PUM2: variants seen among roughly 807,000 people sequenced by gnomAD.
PUM2 encodes pumilio RNA binding family member 2.
A neutral mutation model predicts 124.5 loss-of-function variants in PUM2; 57 were observed. That is an observed-to-expected ratio of 0.46 (90% CI 0.37 to 0.57). The LOEUF (loss-of-function observed/expected upper bound fraction) is 0.57, where lower values mean the gene tolerates loss of function less well. Ranked by LOEUF, PUM2 falls within the 20% of genes least tolerant of loss-of-function variation. The pLI is 0.00. For synonymous variants in PUM2, 460 were observed against 446.1 expected, an observed-to-expected ratio of 1.03 and a Z score of -0.39; for missense variants, 1,065 against 1,290.6, an observed-to-expected ratio of 0.83 and a Z score of 2.68.
rs1665319173 is a variant in PUM2 at position 20,258,340 on chromosome 2, G to A, written c.2387C>T (p.Ala796Val). The A allele has an allele frequency of 6.2e-7, 1 of 1,612,544 alleles. No homozygotes were observed. The highest frequency in any genetic ancestry group is 1.7e-5 in the Admixed American group (1 of 59,960). ...FGSLDQKLAL[A>V]TRIRGHVLPL... The stretch of plus-strand genomic sequence containing the variant: ...TAGAACATGACCACGAATACGAGTA[G>A]CCAGGGCTAATTTTTGATCCAGACT... The change falls in exon 16 of 21, where the codon GCT becomes GTT. Residue 796 changes from alanine to valine, a missense_variant. Ala to Val is a moderately conservative substitution (Grantham distance 64). Coordinates refer to ENST00000361078, the MANE Select transcript of PUM2 (RefSeq NM_015317.5).
intron 12 of PUM2, among the ~76,000 whole-genome samples, 196 bp downstream of exon 12, chr2:20,282,751 T>C (rs1396364236): frequency 6.6e-6 from 1 of 152,180 alleles, no homozygotes; most frequent in Non-Finnish European, 1.5e-5. Flanking sequence ...AAGAACAGGC[T>C]GCCTATAGTG....
chr2:20,264,557 T>C (rs1190007929), intron 13 of PUM2, among the ~76,000 whole-genome samples: 1 of 151,300 alleles, frequency 6.6e-6, no homozygotes, highest in Non-Finnish European at 1.5e-5. Context: ...AATAAATACA[T>C]GCAGGAAATT....
intron 5 of PUM2, among the ~76,000 whole-genome samples, chr2:20,309,125 GA>G (rs772304824): frequency 2.6e-5 from 4 of 152,068 alleles, no homozygotes; most frequent in Admixed American, 2.6e-4. Context: ...GATGCAACAG[GA>G]AAAGAGTACT....
At position 20,263,316 on chromosome 2, in the gene PUM2, T is replaced by A; in HGVS notation, c.2102A>T (p.Asp701Val). The change falls in exon 14 of 21, where the codon GAT becomes GTT. Residue 701 changes from aspartate to valine, a missense_variant. Physicochemically the swap from Asp to Val is radical, Grantham distance 152. Transcript: ENST00000361078. ...TCTACTGCGGCCAGAAGGCATAATATCAGACCTATTATACCGAAGCCGGGA... is the reference window on the plus strand; with the variant it reads ...TCTACTGCGGCCAGAAGGCATAATAACAGACCTATTATACCGAAGCCGGGA... ...PPSRLRYNRS[D>V]IMPSGRSRLL... 1 of 1,614,122 alleles carries A rather than the reference T, an allele frequency of 6.2e-7. No homozygotes were observed. Among genetic ancestry groups the A allele is most frequent in the Non-Finnish European group, 8.5e-7 (1 of 1,179,976 alleles).
chr2:20,339,254 A>G (rs1192843544), intron 1 of PUM2, among the ~76,000 whole-genome samples: 1 of 152,136 alleles, frequency 6.6e-6, no homozygotes, highest in Admixed American at 6.6e-5. Flanking sequence ...GGTGGTACAT[A>G]TCTGTAATCT....
intron 13 of PUM2, among the ~76,000 whole-genome samples, chr2:20,274,561 C>T (rs1404035483): frequency 6.6e-6 from 1 of 152,044 alleles, no homozygotes. Context: ...TAAAGCACAG[C>T]TGTTTACCTG....
chr2:20,334,809 G>A (rs1685647737), intron 1 of PUM2, among the ~76,000 whole-genome samples: 1 of 152,168 alleles, frequency 6.6e-6, no homozygotes, highest in Admixed American at 6.5e-5. Context: ...GTCATCTACA[G>A]CCTGGAGACT....
At position 20,294,661 on chromosome 2, in the gene PUM2, G is replaced by C. The variant is rs1002303015; in HGVS notation, c.1010-143C>G. 1.9e-5 allele frequency: 19 copies of C among 981,572 alleles called. No individual in the cohort carries two copies. In the Middle Eastern group the frequency reaches 8.1e-4, roughly 42 times the overall value. 60.8% of individuals were successfully genotyped at this position (981,572 alleles called of 1,614,324 possible). On this transcript the variant is annotated intron_variant, in intron 8 of 20. Coordinates refer to ENST00000361078, the MANE Select transcript of PUM2 (RefSeq NM_015317.5). ...TCTTTATAATAAAAGACAAAGTATT[G>C]ATGGGTGACAGCAATGGTCTTAAAG...
intron 3 of PUM2, among the ~76,000 whole-genome samples, chr2:20,313,860 A>AC (rs1470322342): frequency 7.0e-6 from 1 of 143,110 alleles, no homozygotes. Flanking sequence ...AAAAAAAAAA[A>AC]GGCCAGGGGC....
intron 20 of PUM2, among the ~76,000 whole-genome samples, chr2:20,252,449 A>G (rs1249043452): frequency 6.6e-6 from 1 of 152,204 alleles, no homozygotes; most frequent in Non-Finnish European, 1.5e-5. Flanking sequence ...TGAAGAATGA[A>G]TTTTAAAAAT....
intron 2 of PUM2, among the ~76,000 whole-genome samples, 155 bp downstream of exon 2, chr2:20,327,155 C>T (rs1683879271): frequency 1.3e-5 from 2 of 150,036 alleles, no homozygotes; most frequent in Non-Finnish European, 3.0e-5. Context: ...CTAAAAATCA[C>T]AACAGAATTG....
At chr2:20,275,552 A>T (rs897378680) in intron 13 of PUM2, among the ~76,000 whole-genome samples, 2 of 152,128 alleles carry the variant, frequency 1.3e-5, no homozygotes, top group Admixed American at 1.3e-4. Context: ...AAATTATCAA[A>T]GGCTGCTAAA....
At chr2:20,263,904 T>C (rs935491805) in intron 13 of PUM2, among the ~76,000 whole-genome samples, 1 of 152,184 alleles carries the variant, frequency 6.6e-6, no homozygotes, top group African/African-American at 2.4e-5. Context: ...AGTTTTTGCA[T>C]TCGGTCATAT....
intron 5 of PUM2, among the ~76,000 whole-genome samples, chr2:20,308,884 T>TA (rs1678969498): frequency 6.6e-6 from 1 of 152,212 alleles, no homozygotes; most frequent in African/African-American, 2.4e-5. Flanking sequence ...CTTAGGCTTA[T>TA]ACTACCTGAA....
Position 20,308,311 on chromosome 2 carries a change from T to C in PUM2, c.789+3A>G. 2.5e-6 allele frequency: 4 copies of C among 1,612,700 alleles called. No homozygotes were observed. Among genetic ancestry groups the C allele is most frequent in the East Asian group, 2.2e-5 (1 of 44,876 alleles). On this transcript the variant is annotated splice_donor_region_variant and intron_variant, in intron 6 of 20. Transcript: ENST00000361078. ...CCTTCTTAAAGAAAGAACATGCTTT[T>C]ACCTGCTGCTGGGAATTGTAGTCAA... is the stretch of plus-strand genomic sequence containing the variant.
chr2:20,260,615 CAA>C (rs1558486987), intron 14 of PUM2, 149 bp from the exon 15 acceptor site: 1 of 606,362 alleles, frequency 1.6e-6, no homozygotes, highest in Non-Finnish European at 2.5e-6. Context: ...GCAAAAAGGA[CAA>C]AAGTTATATA....
At chr2:20,309,424 T>C (rs1262243672) in intron 5 of PUM2, among the ~76,000 whole-genome samples, 1 of 150,620 alleles carries the variant, frequency 6.6e-6, no homozygotes, top group Non-Finnish European at 1.5e-5. Flanking sequence ...AGGATCTTTC[T>C]ACATTAAAAA....
In PUM2 at chr2:20,283,156, G is replaced by A; in HGVS notation, c.1511C>T (p.Thr504Ile). Residue 504 changes from threonine to isoleucine, a missense_variant, in exon 12 of 21, where the codon ACT becomes ATT. Transcript: ENST00000361078. ...CTGTTGCTGCTGCTGTGGTGGCTGA[G>A]TGCCAATTGGCCGAAACAGACCATT... is the stretch of plus-strand genomic sequence containing the variant. ...STNGLFRPIG[T>I]QPPQQQQQQP... The A allele has an allele frequency of 1.2e-6, 2 of 1,614,078 alleles. No homozygotes were observed. The highest frequency in any genetic ancestry group is 1.7e-6 in the Non-Finnish European group (2 of 1,180,006).
intron 3 of PUM2, among the ~76,000 whole-genome samples, chr2:20,315,347 T>C (rs116091236): frequency 6.6e-6 from 1 of 152,234 alleles, no homozygotes; most frequent in African/African-American, 2.4e-5. Flanking sequence ...TGAGAGGAAG[T>C]ATGTCAAGTC....
Sources: allele counts gnomAD v4.1 joint callset (sites outside exome capture counted in the v4.1 genomes callset), GRCh38; gene constraint gnomAD v4.1.1; transcripts MANE v1.5; gene names NCBI Gene and HGNC (gene_info 2026-07-23, HGNC 2026-07-21).